KIAA1217: variants seen among roughly 807,000 people sequenced by gnomAD.
KIAA1217 encodes the protein KIAA1217.
A neutral mutation model predicts 163.9 loss-of-function variants in KIAA1217; 88 were observed. The ratio of observed to expected loss-of-function variants is 0.54; its 90% CI spans 0.45 to 0.64. KIAA1217 has a LOEUF of 0.64. Ranked by LOEUF, KIAA1217 falls within the 30% of genes least tolerant of loss-of-function variation. KIAA1217 has a pLI of 0.00. For synonymous variants in KIAA1217, 903 were observed against 923.1 expected, an observed-to-expected ratio of 0.98 and a Z score of 0.39; for missense variants, 2,372 against 2,475.0, an observed-to-expected ratio of 0.96 and a Z score of 0.88.
At chr10:24,263,537 C>T (rs139116837) in intron 2 of KIAA1217, among the ~76,000 whole-genome samples, 23 of 152,326 alleles carry the variant, frequency 1.5e-4, no homozygotes, top group African/African-American at 5.1e-4. Flanking sequence ...ATCTCTGTCT[C>T]ATCTTGACTC....
Position 24,385,787 on chromosome 10 carries a change from T to TA in KIAA1217, c.553+4725dup, listed in dbSNP as rs1252773280. On this transcript the variant is annotated intron_variant, in intron 3 of 20. Coordinates refer to ENST00000376454, the MANE Select transcript of KIAA1217 (RefSeq NM_019590.5). ...AGAGAAGACCAGGAGAAAGGAAGAC[T>TA]AAAAAGTAAAGTGAAAACCGCCTTC... 2.0e-5 allele frequency among the ~76,000 whole-genome samples: 3 copies of TA among 152,296 alleles called. No individual in the cohort carries two copies. The East Asian group carries it at 5.8e-4, about 29-fold the overall frequency.
In KIAA1217 at chr10:23,752,064, C is replaced by T. The variant is rs189502933; in HGVS notation, c.-321+56830C>T. Among the ~76,000 whole-genome samples, 42 of 152,240 alleles carry T rather than the reference C, an allele frequency of 2.8e-4. 1 individual carries two copies. The East Asian group carries it at 6.0e-3, about 22-fold the overall frequency. On this transcript the variant is annotated intron_variant, in intron 1 of 18. Coordinates refer to the KIAA1217 transcript ENST00000376462. ...CCTCATGTTAGAGGGAAGATGGAGT[C>T]GTTTCTGGGTGTTTGTGAACTCTTG...
chr10:24,464,597 C>T (rs899319609), intron 5 of KIAA1217, among the ~76,000 whole-genome samples: 1 of 152,084 alleles, frequency 6.6e-6, no homozygotes, highest in Non-Finnish European at 1.5e-5. Context: ...GTGATCCTCC[C>T]ACCTCAGCCT....
chr10:24,470,545 G>A (rs2063398536), intron 5 of KIAA1217, among the ~76,000 whole-genome samples: 1 of 152,174 alleles, frequency 6.6e-6, no homozygotes. Context: ...GACAGCATCA[G>A]GATATCACAA....
rs1254884233 is a variant in KIAA1217 at position 24,488,949 on chromosome 10, G to A, written c.1680-5551G>A. The stretch of plus-strand genomic sequence containing the variant: ...GATGCAGTGCCTCTGCTGTGTCCAC[G>A]GCAGCTAGCATGTTACCTAGCACGT... On this transcript the variant is annotated intron_variant, in intron 6 of 20. Coordinates refer to ENST00000376454, the MANE Select transcript of KIAA1217 (RefSeq NM_019590.5). Among the ~76,000 whole-genome samples the A allele has an allele frequency of 3.3e-5, 5 of 152,274 alleles. No individual in the cohort carries two copies. In the East Asian group the frequency reaches 5.8e-4, roughly 18 times the overall value.
At chr10:24,098,490 G>T (rs1478017919) in intron 2 of KIAA1217, among the ~76,000 whole-genome samples, 1 of 152,066 alleles carries the variant, frequency 6.6e-6, no homozygotes, top group Admixed American at 6.5e-5. Flanking sequence ...AGTGGAGAAG[G>T]GTCTACTCAG....
At chr10:24,396,182 C>A (rs891472408) in intron 3 of KIAA1217, among the ~76,000 whole-genome samples, 10 of 151,920 alleles carry the variant, frequency 6.6e-5, no homozygotes, top group African/African-American at 2.2e-4. Flanking sequence ...ACTAAAAATA[C>A]AAAAATTAGA....
At chr10:24,136,645 T>C (rs1292657161) in intron 2 of KIAA1217, among the ~76,000 whole-genome samples, 1 of 152,168 alleles carries the variant, frequency 6.6e-6, no homozygotes, top group African/African-American at 2.4e-5. Flanking sequence ...CTACATAACC[T>C]TTTTTGTGAG....
intron 14 of KIAA1217, 61 bp from the exon 15 acceptor site, chr10:24,531,769 C>A (rs1336692479): frequency 6.8e-7 from 1 of 1,460,072 alleles, no homozygotes; most frequent in Admixed American, 2.3e-5. Flanking sequence ...AGCAATATAC[C>A]AGACTTTCTG....
chr10:24,473,216 T>C lies in KIAA1217; in HGVS notation c.847-12T>C, dbSNP rs760416713. On this transcript the variant is annotated splice_polypyrimidine_tract_variant and intron_variant, in intron 5 of 20. Transcript: ENST00000376454. Reference sequence around the variant, plus strand: ...TCAAAGTCAACTTTCTGATCCCTTGTTTTCTTTTCAGATGCAGAGAGAACT... The same window carrying C: ...TCAAAGTCAACTTTCTGATCCCTTGCTTTCTTTTCAGATGCAGAGAGAACT... The C allele has an allele frequency of 9.6e-5, 145 of 1,504,766 alleles. No individual in the cohort carries two copies. Among genetic ancestry groups the C allele is most frequent in the Non-Finnish European group, 1.2e-4 (139 of 1,124,878 alleles). The allele number at this position is 1,504,766 out of a possible 1,614,324, so 93.2% of individuals were successfully genotyped here.
At chr10:23,822,102 C>A (rs1420131717) in intron 1 of KIAA1217, among the ~76,000 whole-genome samples, 1 of 152,182 alleles carries the variant, frequency 6.6e-6, no homozygotes, top group Non-Finnish European at 1.5e-5. Context: ...ACTCAGTTCC[C>A]ACTCATTTTC....
At chr10:24,498,585 G>A (rs533094609) in intron 8 of KIAA1217, among the ~76,000 whole-genome samples, 51 of 152,254 alleles carry the variant, frequency 3.3e-4, no homozygotes, top group South Asian at 2.1e-4. Flanking sequence ...CACTTTGGCC[G>A]AGGCAGGAGG....
At chr10:24,368,902 A>G (rs1356867230) in intron 2 of KIAA1217, 11 of 963,524 alleles carry the variant, frequency 1.1e-5, no homozygotes, top group Non-Finnish European at 1.2e-5. Flanking sequence ...GTCCCATGCA[A>G]CATTTTTCCA....
intron 2 of KIAA1217, among the ~76,000 whole-genome samples, chr10:24,128,426 A>G (rs1007728609): frequency 4.6e-5 from 7 of 152,238 alleles, no homozygotes; most frequent in Non-Finnish European, 7.3e-5. Context: ...TGGGATCAGC[A>G]AAGCTAATGA....
intron 9 of KIAA1217, among the ~76,000 whole-genome samples, chr10:24,505,390 A>G (rs1258977353): frequency 6.6e-6 from 1 of 151,912 alleles, no homozygotes; most frequent in Non-Finnish European, 1.5e-5. Flanking sequence ...TGTGCCTAAC[A>G]GATGTTCTCC....
At chr10:24,126,881 C>A (rs1025383310) in intron 2 of KIAA1217, among the ~76,000 whole-genome samples, 3 of 151,972 alleles carry the variant, frequency 2.0e-5, no homozygotes, top group Non-Finnish European at 4.4e-5. Flanking sequence ...CCATTAAGTC[C>A]CCTTAATGCA....
Position 23,875,827 on chromosome 10 carries a change from T to G in KIAA1217, c.-320-131398T>G, listed in dbSNP as rs1840665510. ...ACATGGATGGAGCTGGGAACCATCA[T>G]TCTAAGCAAACTATCACAAGGACAG... is the stretch of plus-strand genomic sequence containing the variant. On this transcript the variant is annotated intron_variant, in intron 1 of 18. Coordinates refer to the KIAA1217 transcript ENST00000376462. 2.0e-5 allele frequency among the ~76,000 whole-genome samples: 3 copies of G among 151,830 alleles called. 1 individual carries two copies. The South Asian group carries it at 6.2e-4, about 32-fold the overall frequency.
At chr10:24,209,050 G>A (rs1163686668), upstream of KIAA1217, 2 of 645,194 alleles carry the variant, frequency 3.1e-6, no homozygotes, top group Non-Finnish European at 2.7e-6. Flanking sequence ...ACTTTGCACC[G>A]GAGTGGAAAA....
intron 1 of KIAA1217, among the ~76,000 whole-genome samples, chr10:23,933,309 G>C (rs1008457952): frequency 6.6e-6 from 1 of 152,136 alleles, no homozygotes; most frequent in African/African-American, 2.4e-5. Flanking sequence ...TACCGGAAGG[G>C]TGCGTTAGTT....
Sources: gnomAD v4.1 joint callset for allele counts (sites outside exome capture counted in the v4.1 genomes callset) on GRCh38, gnomAD v4.1.1 for gene constraint, MANE v1.5 for transcripts, NCBI Gene and HGNC (gene_info 2026-07-23, HGNC 2026-07-21) for gene names.